Variants in VAT1L observed in about 807,000 individuals in gnomAD.
VAT1L encodes the protein vesicle amine transport 1 like, also known as putative NADPH-dependent quinone oxidoreductase VAT1L.
In VAT1L, 34 loss-of-function variants were observed where a neutral mutation model predicts 44.1. The observed-to-expected ratio is 0.77, with a 90% CI of 0.59 to 1.03. VAT1L has a LOEUF of 1.03. Among genes scored for constraint, VAT1L ranks in the 50% least tolerant of loss-of-function variants. The probability of loss-of-function intolerance (pLI) is 0.00; values close to 1 mark genes in which losing one functional copy is unlikely to be tolerated. For missense variants in VAT1L, 615 were observed against 538.8 expected, an observed-to-expected ratio of 1.14 and a Z score of -1.40; for synonymous variants, 253 against 202.2, an observed-to-expected ratio of 1.25 and a Z score of -2.13.
chr16:77,794,148 C>G (rs977735741), intron 1 of VAT1L, among the ~76,000 whole-genome samples: 1 of 152,116 alleles, frequency 6.6e-6, no homozygotes, highest in Non-Finnish European at 1.5e-5. Flanking sequence ...CAGAGAGACA[C>G]ACACACAAAT....
At chr16:77,947,014 C>T (rs1420505497) in intron 7 of VAT1L, among the ~76,000 whole-genome samples, 1 of 152,216 alleles carries the variant, frequency 6.6e-6, no homozygotes, top group Non-Finnish European at 1.5e-5. Context: ...ACCATGGCAA[C>T]ACAGCCTCAA....
intron 7 of VAT1L, among the ~76,000 whole-genome samples, chr16:77,896,128 TC>T (rs538417960): frequency 1.2e-3 from 185 of 152,272 alleles, no homozygotes; most frequent in Non-Finnish European, 2.2e-3. Flanking sequence ...AATATACCCA[TC>T]CCTCTGGCCT....
chr16:77,971,610 T>C (rs772527307), intron 7 of VAT1L, among the ~76,000 whole-genome samples: 4 of 152,204 alleles, frequency 2.6e-5, no homozygotes, highest in African/African-American at 9.6e-5. Flanking sequence ...CATCTACTTA[T>C]TTCAAGAGCT....
chr16:77,950,916 C>T (rs1345839513), intron 7 of VAT1L, among the ~76,000 whole-genome samples: 2 of 151,998 alleles, frequency 1.3e-5, no homozygotes, highest in East Asian at 3.9e-4. Flanking sequence ...ATTATGGCAG[C>T]TAATAAATGA....
chr16:77,879,083 C>T lies in VAT1L; in HGVS notation c.827-86C>T. Reference sequence around the variant, plus strand: ...TTTTCAAGATTTCTCCAGTTCCGGACCAAACAATTGCCATTTTTTTCATGC... The same window carrying T: ...TTTTCAAGATTTCTCCAGTTCCGGATCAAACAATTGCCATTTTTTTCATGC... On this transcript the variant is annotated intron_variant, in intron 5 of 8. Coordinates refer to ENST00000302536, the MANE Select transcript of VAT1L (RefSeq NM_020927.3). The surrounding 1 kb of genome is among the most constrained non-coding windows in gnomAD (Gnocchi z 4.1). The T allele has an allele frequency of 7.1e-7, 1 of 1,406,152 alleles. No homozygotes were observed. Among genetic ancestry groups the T allele is most frequent in the Non-Finnish European group, 1.0e-6 (1 of 994,838 alleles). The allele number at this position is 1,406,152 out of a possible 1,614,324, so 87.1% of individuals were successfully genotyped here. A position where few individuals can be genotyped will look rare whatever the true frequency, so the allele number is the denominator to read the frequency against.
chr16:77,924,529 C>G (rs940564739), intron 7 of VAT1L, among the ~76,000 whole-genome samples: 2 of 152,046 alleles, frequency 1.3e-5, no homozygotes, highest in South Asian at 4.2e-4. Flanking sequence ...GACACAATCT[C>G]GGCTCACTGC....
intron 1 of VAT1L, 100 bp from the exon 2 acceptor site, chr16:77,816,821 G>C (rs2016363502): frequency 7.2e-7 from 1 of 1,388,326 alleles, no homozygotes; most frequent in African/African-American, 1.5e-5. Context: ...AGAAGGGAGG[G>C]AGGAAAGGAG....
intron 7 of VAT1L, among the ~76,000 whole-genome samples, chr16:77,896,575 A>C (rs558735424): frequency 7.2e-5 from 11 of 152,334 alleles, no homozygotes; most frequent in Admixed American, 6.5e-4. Flanking sequence ...GAGATATTTG[A>C]GGTCAGGGAC....
At chr16:77,926,694 T>A (rs1291865600) in intron 7 of VAT1L, among the ~76,000 whole-genome samples, 1 of 152,158 alleles carries the variant, frequency 6.6e-6, no homozygotes, top group African/African-American at 2.4e-5. Context: ...AAGGTTGACT[T>A]CACAGTCCTC....
At chr16:77,902,855 C>A (rs976068963) in intron 7 of VAT1L, among the ~76,000 whole-genome samples, 4 of 151,702 alleles carry the variant, frequency 2.6e-5, no homozygotes, top group African/African-American at 7.3e-5. Context: ...CTCCTGTATT[C>A]CCAGCTACTT....
At chr16:77,916,875 AGAG>A (rs1247690920) in intron 7 of VAT1L, among the ~76,000 whole-genome samples, 1 of 151,698 alleles carries the variant, frequency 6.6e-6, no homozygotes, top group East Asian at 1.9e-4. Flanking sequence ...TTGTTGGCAA[AGAG>A]TGCCCTCTGA....
chr16:77,948,695 A>AAT (rs2018002429), intron 7 of VAT1L, among the ~76,000 whole-genome samples: 2 of 152,290 alleles, frequency 1.3e-5, no homozygotes, highest in South Asian at 4.1e-4. Context: ...ATTTTAAAGT[A>AAT]AATCCCAGAC....
At chr16:77,833,389 G>C (rs1273254970) in intron 3 of VAT1L, among the ~76,000 whole-genome samples, 1 of 152,212 alleles carries the variant, frequency 6.6e-6, no homozygotes, top group African/African-American at 2.4e-5. Flanking sequence ...CAAGGAAGTG[G>C]CATTTAACGC....
At chr16:77,844,162 A>G (rs2016734379) in intron 3 of VAT1L, among the ~76,000 whole-genome samples, 1 of 152,174 alleles carries the variant, frequency 6.6e-6, no homozygotes, top group African/African-American at 2.4e-5. Context: ...CCCTTATATT[A>G]TGGGTTTCAT....
At chr16:77,807,886 T>C (rs923185030) in intron 1 of VAT1L, among the ~76,000 whole-genome samples, 8 of 152,134 alleles carry the variant, frequency 5.3e-5, no homozygotes, top group Non-Finnish European at 1.5e-5. Context: ...TAAACTTAGC[T>C]TTGGTGATTG....
chr16:77,965,732 G>A (rs1202788138), intron 7 of VAT1L, among the ~76,000 whole-genome samples: 1 of 152,094 alleles, frequency 6.6e-6, no homozygotes, highest in Non-Finnish European at 1.5e-5. Context: ...AGCTGCCCAG[G>A]CCAGGGGCTC....
intron 1 of VAT1L, among the ~76,000 whole-genome samples, chr16:77,799,255 C>T (rs942222073): frequency 6.9e-6 from 1 of 144,272 alleles, no homozygotes; most frequent in South Asian, 2.2e-4. Flanking sequence ...CCCTCCCTCC[C>T]CTCCCCTCCT....
chr16:77,926,386 C>T (rs2017669331), intron 7 of VAT1L, among the ~76,000 whole-genome samples: 1 of 151,928 alleles, frequency 6.6e-6, no homozygotes, highest in South Asian at 2.1e-4. Flanking sequence ...TGTTTCGAAA[C>T]CAGCCTGGCC....
rs1486498494 is a variant in VAT1L at position 77,853,287 on chromosome 16, C to A, written c.580-9461C>A. On this transcript the variant is annotated intron_variant, in intron 3 of 8. Transcript: ENST00000302536. ...TTGGTCATGCCCTGATCTACAGGAT[C>A]CCACACACTAAACCCATGGACTCTG... Among the ~76,000 whole-genome samples, 4 of 152,234 alleles carry A rather than the reference C, an allele frequency of 2.6e-5. No homozygotes were observed. In the South Asian group the frequency reaches 8.3e-4, roughly 32 times the overall value.
Sources: gnomAD v4.1 joint callset for allele counts (sites outside exome capture counted in the v4.1 genomes callset) on GRCh38, gnomAD v4.1.1 for gene constraint, Gnocchi (gnomAD v3.1) non-coding constraint, MANE v1.5 for transcripts, NCBI Gene and HGNC (gene_info 2026-07-23, HGNC 2026-07-21) for gene names.